The following CCDC146 variants were observed in gnomAD, a reference collection of about 807,000 sequenced individuals.
CCDC146 encodes the protein coiled-coil domain containing 146.
A neutral mutation model predicts 119.3 loss-of-function variants in CCDC146; 92 were observed. That is an observed-to-expected ratio of 0.77 (90% confidence interval 0.65 to 0.92). The LOEUF is 0.92. Among genes scored for constraint, CCDC146 ranks in the 40% least tolerant of loss-of-function variants. The pLI is 0.00. For missense variants in CCDC146, 1,000 were observed against 1,103.0 expected (o/e 0.91, Z 1.32); for synonymous variants, 372 against 371.8 (o/e 1.00, Z -0.01).
At chr7:77,144,846 G>C (rs536970638) in intron 1 of CCDC146, among the ~76,000 whole-genome samples, 1 of 151,590 alleles carries the variant, frequency 6.6e-6, no homozygotes, top group African/African-American at 2.4e-5. Flanking sequence ...TTTTTTCATC[G>C]ATGTTCATCA....
intron 1 of CCDC146, among the ~76,000 whole-genome samples, chr7:77,160,995 A>T (rs1157156096): frequency 2.0e-5 from 3 of 152,104 alleles, no homozygotes; most frequent in Non-Finnish European, 4.4e-5. Context: ...CAGACACTTC[A>T]CAAAAGAAGA....
chr7:77,202,972 C>A (rs998884723), intron 2 of CCDC146, among the ~76,000 whole-genome samples: 4 of 149,556 alleles, frequency 2.7e-5, no homozygotes, highest in Non-Finnish European at 5.9e-5. Context: ...GTGCTTAAAG[C>A]AATGCTTAGA....
At chr7:77,247,648 TA>T (rs1467000461) in intron 4 of CCDC146, among the ~76,000 whole-genome samples, 1 of 151,834 alleles carries the variant, frequency 6.6e-6, no homozygotes, top group African/African-American at 2.4e-5. Flanking sequence ...AGGACATAAA[TA>T]GACATTTTTC....
chr7:77,254,783 G>C (rs1426227850), intron 5 of CCDC146, among the ~76,000 whole-genome samples: 1 of 152,130 alleles, frequency 6.6e-6, no homozygotes, highest in Non-Finnish European at 1.5e-5. Context: ...AATTTAGGCT[G>C]TATTTAGTTG....
chr7:77,267,447 A>G (rs1202163039), intron 9 of CCDC146, among the ~76,000 whole-genome samples: 1 of 152,090 alleles, frequency 6.6e-6, no homozygotes, highest in Non-Finnish European at 1.5e-5. Context: ...TTCTTCAGCC[A>G]GTTCTTTTGG....
At chr7:77,179,776 G>T in intron 2 of CCDC146, among the ~76,000 whole-genome samples, 1 of 152,094 alleles carries the variant, frequency 6.6e-6, no homozygotes, top group Non-Finnish European at 1.5e-5. Flanking sequence ...TTTGTGTTAA[G>T]TATATTCACA....
At position 77,247,153 on chromosome 7, in the gene CCDC146, T is replaced by C. The variant is rs560062413; in HGVS notation, c.449+5253T>C. ...GGAGTAGGATTATAATCTTTAAAAA[T>C]AGAAAAATACATTCCTTTTAGAGGA... On this transcript the variant is annotated intron_variant, in intron 4 of 18. Transcript: ENST00000285871. Among the ~76,000 whole-genome samples, 174 of 152,154 alleles carry C rather than the reference T, an allele frequency of 1.1e-3. 1 individual carries two copies. The highest frequency in any genetic ancestry group is 4.1e-3 in the African/African-American group (170 of 41,518).
chr7:77,122,813 T>C (rs1790641334), intron 1 of CCDC146, 81 bp downstream of exon 1: 1 of 154,152 alleles, frequency 6.5e-6, no homozygotes, highest in Non-Finnish European at 1.4e-5. Context: ...CAAGCTTCAC[T>C]AACCTAGTGC....
chr7:77,274,780 A>C, intron 11 of CCDC146, 128 bp downstream of exon 11: 3 of 686,178 alleles, frequency 4.4e-6, no homozygotes, highest in Non-Finnish European at 7.2e-6. Context: ...TCGCAAGGAC[A>C]AAAAACCAAA....
chr7:77,274,757 T>A (rs1793598230), intron 11 of CCDC146, 105 bp downstream of exon 11: 1 of 892,474 alleles, frequency 1.1e-6, no homozygotes, highest in Non-Finnish European at 1.7e-6. Context: ...AAACCATCAT[T>A]GTCAGCAAAC....
chr7:77,145,543 T>C (rs1791004099), intron 1 of CCDC146, among the ~76,000 whole-genome samples: 1 of 152,098 alleles, frequency 6.6e-6, no homozygotes, highest in Non-Finnish European at 1.5e-5. Context: ...CTGCTTTCTC[T>C]TGTGGGCATT....
chr7:77,182,600 A>T (rs1470980777), intron 2 of CCDC146, among the ~76,000 whole-genome samples: 1 of 151,998 alleles, frequency 6.6e-6, no homozygotes, highest in Non-Finnish European at 1.5e-5. Flanking sequence ...GTGAGACTCC[A>T]TCTCTACTAA....
chr7:77,178,919 A>G (rs1791540173), intron 2 of CCDC146, among the ~76,000 whole-genome samples: 2 of 152,208 alleles, frequency 1.3e-5, no homozygotes, highest in Admixed American at 1.3e-4. Context: ...TTAAAATAAA[A>G]TACCTTTTTC....
rs527668881 is a variant in CCDC146 at position 77,228,209 on chromosome 7, G to T, written c.157-8738G>T. 4.6e-5 allele frequency among the ~76,000 whole-genome samples: 7 copies of T among 152,282 alleles called. No individual in the cohort carries two copies. The East Asian group carries it at 1.2e-3, about 25-fold the overall frequency. ...ATACAAGTGCAGGTTTGTTACGTAG[G>T]TAAACTTGTATCATGGAGGTTTGTT... is the stretch of plus-strand genomic sequence containing the variant. On this transcript the variant is annotated intron_variant, in intron 2 of 18. Transcript: ENST00000285871.
intron 4 of CCDC146, chr7:77,242,547 A>T (rs992517167): frequency 9.7e-6 from 2 of 205,236 alleles, no homozygotes; most frequent in African/African-American, 4.7e-5. Flanking sequence ...CTCTTCTAAC[A>T]TTCCCCCCAT....
At position 77,274,553 on chromosome 7, in the gene CCDC146, G is replaced by T; in HGVS notation, c.1341G>T (p.Glu447Asp). The change falls in exon 11 of 19, where the codon GAG becomes GAT. Residue 447 changes from glutamate to aspartate, a missense_variant. Coordinates refer to ENST00000285871, the MANE Select transcript of CCDC146 (RefSeq NM_020879.3). ...QLAEENKLLK[E>D]QENMKELVVN... is the part of the protein sequence containing the mutation. ...CAGAAGAAAACAAGCTTTTAAAGGA[G>T]CAAGAAAACATGAAAGAGCTAGTAG... 6.2e-7 allele frequency: 1 copy of T among 1,612,524 alleles called. No homozygotes were observed. Among genetic ancestry groups the T allele is most frequent in the Non-Finnish European group, 8.5e-7 (1 of 1,179,032 alleles).
At position 77,273,692 on chromosome 7, in the gene CCDC146, A is replaced by G. The variant is rs780920960; in HGVS notation, c.1174-2A>G. On this transcript the variant is annotated splice_acceptor_variant, in intron 9 of 18. Coordinates refer to ENST00000285871, the MANE Select transcript of CCDC146 (RefSeq NM_020879.3). LOFTEE classifies it high-confidence loss of function. ...TGCATGTTTTTAAATTTTGATTTCC[A>G]GATGGAAGCTATCCCCAAAGATGAT... The G allele has an allele frequency of 2.5e-6, 4 of 1,601,730 alleles. No homozygotes were observed. The South Asian group carries it at 4.5e-5, about 18-fold the overall frequency.
intron 6 of CCDC146, chr7:77,257,404 T>G (rs1385353062): frequency 6.6e-6 from 1 of 152,184 alleles, no homozygotes; most frequent in African/African-American, 2.4e-5. Context: ...GTGATACACT[T>G]TGACCTGTTT....
At chr7:77,141,200 G>C (rs1225794579) in intron 1 of CCDC146, among the ~76,000 whole-genome samples, 1 of 152,140 alleles carries the variant, frequency 6.6e-6, no homozygotes, top group Non-Finnish European at 1.5e-5. Flanking sequence ...TTAGTTTCCT[G>C]AGAATGATGG....
Sources: gnomAD v4.1 joint callset for allele counts (sites outside exome capture counted in the v4.1 genomes callset) on GRCh38, gnomAD v4.1.1 for gene constraint, MANE v1.5 for transcripts, NCBI Gene and HGNC (gene_info 2026-07-23, HGNC 2026-07-21) for gene names.